TELO2: variants seen among roughly 807,000 people sequenced by gnomAD.
TELO2 encodes telomere maintenance 2, also known as telomere length regulation protein TEL2 homolog.
Under a neutral mutation model 91.0 loss-of-function variants are expected in TELO2, and 71 were observed. That is an observed-to-expected ratio of 0.78 (90% CI 0.64 to 0.95). TELO2 has a LOEUF of 0.95. Ranked by LOEUF, TELO2 falls within the 40% of genes least tolerant of loss-of-function variation. The pLI, the probability that TELO2 is intolerant of heterozygous loss-of-function variation, is 0.00. For synonymous variants in TELO2, 584 were observed against 518.9 expected, an observed-to-expected ratio of 1.13 and a Z score of -1.71; for missense variants, 1,183 against 1,141.3, an observed-to-expected ratio of 1.04 and a Z score of -0.53.
In TELO2 at chr16:1,505,129, C is replaced by G. The variant is rs1253915303; in HGVS notation, c.1843-281C>G. 5 of 404,908 alleles carry G rather than the reference C, an allele frequency of 1.2e-5. No homozygotes were observed. The highest frequency in any genetic ancestry group is 7.7e-5 in the Admixed American group (2 of 26,002). The allele number at this position is 404,908 out of a possible 1,614,324, so 25.1% of individuals were successfully genotyped here. A position where few individuals can be genotyped will look rare whatever the true frequency, so the allele number is the denominator to read the frequency against. ...CTTCCTGGGATAAGGGCATGTGGCT[C>G]TGGCGTGGCGGGACTGCGTGGCTTT... On this transcript the variant is annotated intron_variant, in intron 15 of 20. Transcript: ENST00000262319. The surrounding 1 kb of genome is among the most constrained non-coding windows in gnomAD (Gnocchi z 4.3).
chr16:1,499,946 C>T (rs943304388), intron 6 of TELO2, 150 bp from the exon 7 acceptor site: 39 of 891,334 alleles, frequency 4.4e-5, no homozygotes, highest in East Asian at 8.2e-5. Context: ...GGAGGGGTCC[C>T]GCATTCCAGG....
At chr16:1,507,398 C>T in intron 19 of TELO2, 28 bp downstream of exon 19, 1 of 1,607,464 alleles carries the variant, frequency 6.2e-7, no homozygotes, top group Non-Finnish European at 8.5e-7. Flanking sequence ...CTGGGCCAGG[C>T]CAGGGGTGCA....
intron 13 of TELO2, 66 bp downstream of exon 13, chr16:1,502,470 C>T (rs2039726646): frequency 1.3e-6 from 2 of 1,540,518 alleles, no homozygotes; most frequent in Admixed American, 1.9e-5. Flanking sequence ...CATCTGTGTC[C>T]TGGCCACTGA....
In TELO2 at chr16:1,507,715, G is replaced by A. The variant is rs753007469; in HGVS notation, c.2406G>A (p.Ala802=). ...TGCTGGAAGCCCGGTCCTGGCTGGC[G>A]GGTGAGTGTCGGCCTGCGGTGTGTG... ...DELLEARSWL[A]DVAEKDPDED... is the part of the protein sequence containing the mutation. The change falls in exon 20 of 21, where the codon GCG becomes GCA. Residue 802 remains alanine, a splice_region_variant and synonymous_variant. Transcript: ENST00000262319. 8 of 1,601,490 alleles carry A rather than the reference G, an allele frequency of 5.0e-6. No individual in the cohort carries two copies. Among genetic ancestry groups the A allele is most frequent in the South Asian group, 2.2e-5 (2 of 90,354 alleles).
rs976258635 is a variant in TELO2, at chr16:1,510,144, C to G, written c.*208C>G. On this transcript the variant is annotated 3_prime_UTR_variant, in exon 21 of 21. Coordinates refer to ENST00000262319, the MANE Select transcript of TELO2 (RefSeq NM_016111.4). ...TACACTGGGCCTGGGCACTGCCCGC[C>G]GGGACATGGCAGCCTGGACGTGGGG... 5 of 562,738 alleles carry G rather than the reference C, an allele frequency of 8.9e-6. No individual in the cohort carries two copies. The highest frequency in any genetic ancestry group is 1.6e-5 in the Non-Finnish European group (5 of 314,656). The allele number at this position is 562,738 out of a possible 1,614,324, so 34.9% of individuals were successfully genotyped here.
Position 1,507,623 on chromosome 16 carries a change from T to C in TELO2, c.2314T>C (p.Ser772Pro). 1 of 1,595,310 alleles carries C rather than the reference T, an allele frequency of 6.3e-7. No homozygotes were observed. Among genetic ancestry groups the C allele is most frequent in the African/African-American group, 1.3e-5 (1 of 74,984 alleles). ...IDAYVRQGLLSAVSSVLLSLP... is the reference protein window; with the variant it reads ...IDAYVRQGLLPAVSSVLLSLP... Reference sequence around the variant, plus strand: ...CAGCTACGTGCGCCAGGGGCTGTTGTCGGCCGTCTCCTCCGTCCTGCTCAG... The same window carrying C: ...CAGCTACGTGCGCCAGGGGCTGTTGCCGGCCGTCTCCTCCGTCCTGCTCAG... The change falls in exon 20 of 21, where the codon TCG becomes CCG. Residue 772 changes from serine (S) to proline (P), a missense_variant. Physicochemically the swap from Ser to Pro is moderately conservative, Grantham distance 74. Coordinates refer to ENST00000262319, the MANE Select transcript of TELO2 (RefSeq NM_016111.4).
At position 1,506,896 on chromosome 16, in the gene TELO2, T is replaced by A. The variant is rs561665556; in HGVS notation, c.2127-56T>A. 5.5e-5 allele frequency: 84 copies of A among 1,518,328 alleles called. No individual in the cohort carries two copies. In the Middle Eastern group the frequency reaches 5.6e-4, roughly 10 times the overall value. The allele number at this position is 1,518,328 out of a possible 1,614,324, so 94.1% of individuals were successfully genotyped here. On this transcript the variant is annotated intron_variant, in intron 17 of 20. Coordinates refer to ENST00000262319, the MANE Select transcript of TELO2 (RefSeq NM_016111.4). ...CGGTCTCCCACGGTGGCCCAGGAGG[T>A]TGGGGACCTGGCCCTGAGGCACCCG...
Position 1,509,811 on chromosome 16 carries a change from T to C in TELO2, c.2408-19T>C, listed in dbSNP as rs2040067107. On this transcript the variant is annotated intron_variant, in intron 20 of 20. Transcript: ENST00000262319. ...CCCTCCACGCTGCCTCAGCTTTGCT[T>C]GTCACTCTCGTCTGGCAGACGTGGC... 1.2e-6 allele frequency: 2 copies of C among 1,604,280 alleles called. No homozygotes were observed. The highest frequency in any genetic ancestry group is 2.2e-5 in the South Asian group (2 of 89,532).
chr16:1,499,407 G>A, intron 6 of TELO2, 74 bp downstream of exon 6: 4 of 1,532,118 alleles, frequency 2.6e-6, no homozygotes, highest in Non-Finnish European at 1.8e-6. Flanking sequence ...CATGGGGTCG[G>A]AGCGGTGTCT....
At chr16:1,496,079 CG>C (rs2039481674) in intron 3 of TELO2, among the ~76,000 whole-genome samples, 2 of 152,352 alleles carry the variant, frequency 1.3e-5, no homozygotes, top group African/African-American at 4.8e-5. Flanking sequence ...GAGGCTGGGC[CG>C]GGGGCCTGCA....
Position 1,494,722 on chromosome 16 carries a change from G to C in TELO2, c.335+106G>C. On this transcript the variant is annotated intron_variant, in intron 2 of 20. Coordinates refer to ENST00000262319, the MANE Select transcript of TELO2 (RefSeq NM_016111.4). The surrounding 1 kb of genome is among the most constrained non-coding windows in gnomAD (Gnocchi z 5.6). ...TCTCTAGTCCCTGTGAGGGGCTAGA[G>C]AGAGAGCCTGCTCCTGGCTGAACCC... The C allele has an allele frequency of 8.2e-7, 1 of 1,221,666 alleles. No homozygotes were observed. Among genetic ancestry groups the C allele is most frequent in the Non-Finnish European group, 1.1e-6 (1 of 897,752 alleles). The allele number at this position is 1,221,666 out of a possible 1,614,324, so 75.7% of individuals were successfully genotyped here.
Position 1,500,474 on chromosome 16 carries a change from G to T in TELO2, c.1130G>T (p.Arg377Leu). ...CLAQLGEPEL[R>L]DSRDELLASM... ...GCGCAACTCGGGGAGCCGGAACTGC[G>T]GGACAGCCGGGATGGTGAGCGGGTG... The change falls in exon 8 of 21, where the codon CGG (arginine) becomes CTG (leucine). Residue 377 changes from arginine (R) to leucine (L), a missense_variant. By Grantham distance (102) the Arg-to-Leu change is moderately radical. Coordinates refer to ENST00000262319, the MANE Select transcript of TELO2 (RefSeq NM_016111.4). The T allele has an allele frequency of 6.2e-7, 1 of 1,610,764 alleles. No homozygotes were observed.
Position 1,502,898 on chromosome 16 carries a change from C to T in TELO2, c.1771-33C>T, listed in dbSNP as rs759145955. 2.9e-5 allele frequency: 46 copies of T among 1,608,130 alleles called. 1 individual carries two copies. The highest frequency in any genetic ancestry group is 6.6e-5 in the South Asian group (6 of 91,088). Reference sequence around the variant, plus strand: ...GTCGCCCCGGGTGGCCCTCAGGTCCCGGACCACAGCAGCCTCTCCCCTGTG... The same window carrying T: ...GTCGCCCCGGGTGGCCCTCAGGTCCTGGACCACAGCAGCCTCTCCCCTGTG... On this transcript the variant is annotated intron_variant, in intron 14 of 20. Coordinates refer to ENST00000262319, the MANE Select transcript of TELO2 (RefSeq NM_016111.4).
Position 1,505,660 on chromosome 16 carries a change from C to T in TELO2, c.2034+59C>T, listed in dbSNP as rs1485316984. On this transcript the variant is annotated intron_variant, in intron 16 of 20. Transcript: ENST00000262319. This position sits in a 1 kb window ranked among gnomAD's most constrained non-coding sequence, Gnocchi z 4.3. ...GGGGACCGTGGGTGGGTGGGAAGGG[C>T]GGTCAGACACCTCCAGGCGCTGTCT... 9.7e-6 allele frequency: 15 copies of T among 1,539,792 alleles called. No individual in the cohort carries two copies. Among genetic ancestry groups the T allele is most frequent in the South Asian group, 3.6e-5 (3 of 83,936 alleles).
intron 19 of TELO2, 39 bp from the exon 20 acceptor site, chr16:1,507,562 G>A: frequency 6.5e-7 from 1 of 1,542,282 alleles, no homozygotes; most frequent in Non-Finnish European, 8.7e-7. Flanking sequence ...TCTGGGGTGT[G>A]GTCCCTGCCG....
rs1440703134 is a variant in TELO2 at position 1,503,014 on chromosome 16, C to T, written c.1842+12C>T. 6.2e-7 allele frequency: 1 copy of T among 1,608,910 alleles called. No homozygotes were observed. Among genetic ancestry groups the T allele is most frequent in the Non-Finnish European group, 8.5e-7 (1 of 1,179,926 alleles). Reference sequence around the variant, plus strand: ...TGGACATCCTGGATGTAAGTGCCTCCTGGGCCTCAGTCCCCCTGGTCTGGC... The same window carrying T: ...TGGACATCCTGGATGTAAGTGCCTCTTGGGCCTCAGTCCCCCTGGTCTGGC... On this transcript the variant is annotated intron_variant, in intron 15 of 20. Coordinates refer to ENST00000262319, the MANE Select transcript of TELO2 (RefSeq NM_016111.4).
In TELO2 at chr16:1,494,536, G is replaced by A. The variant is rs1355654385; in HGVS notation, c.255G>A (p.Glu85=). The change falls in exon 2 of 21, where the codon GAG becomes GAA. Residue 85 remains glutamate, a synonymous_variant. Coordinates refer to ENST00000262319, the MANE Select transcript of TELO2 (RefSeq NM_016111.4). This position sits in a 1 kb window ranked among gnomAD's most constrained non-coding sequence, Gnocchi z 5.6. The part of the protein sequence containing the change: ...LELLPHGRLE[E]LWASFFLEGP... ...TGCTGCCCCATGGCCGCCTGGAGGA[G>A]CTGTGGGCCAGCTTCTTCCTGGAGG... 6.2e-7 allele frequency: 1 copy of A among 1,613,412 alleles called. No individual in the cohort carries two copies.
rs373286620 is a variant in TELO2, at chr16:1,494,481, C to T, written c.200C>T (p.Ala67Val). ...AHFSPVLRCLASRLSPAWLEL... is the reference protein window; with the variant it reads ...AHFSPVLRCLVSRLSPAWLEL... ...TTCTCGCCTGTCCTCAGATGTCTTG[C>T]CAGCAGGCTGAGCCCAGCCTGGCTG... Residue 67 changes from alanine (A) to valine (V), a missense_variant, in exon 2 of 21, where the codon GCC becomes GTC. By Grantham distance (64) the Ala-to-Val change is moderately conservative. Transcript: ENST00000262319. This position sits in a 1 kb window ranked among gnomAD's most constrained non-coding sequence, Gnocchi z 5.6. 5.0e-6 allele frequency: 8 copies of T among 1,613,228 alleles called. No homozygotes were observed. The highest frequency in any genetic ancestry group is 1.3e-5 in the African/African-American group (1 of 74,914).
Position 1,497,136 on chromosome 16 carries a change from GC to G in TELO2, c.682+36del. ...AGAGCAGTGCCTTCCTGCCCATCCTGCCCCGACCCTCACAGCCCATCAGCCT... is the reference window on the plus strand; with the variant it reads ...AGAGCAGTGCCTTCCTGCCCATCCTGCCCGACCCTCACAGCCCATCAGCCT... On this transcript the variant is annotated intron_variant, in intron 4 of 20. Coordinates refer to ENST00000262319, the MANE Select transcript of TELO2 (RefSeq NM_016111.4). This position sits in a 1 kb window ranked among gnomAD's most constrained non-coding sequence, Gnocchi z 4.0. 1 of 1,612,596 alleles carries G rather than the reference GC, an allele frequency of 6.2e-7. No homozygotes were observed. The highest frequency in any genetic ancestry group is 1.1e-5 in the South Asian group (1 of 90,978).
Sources: gnomAD v4.1 joint callset for allele counts (sites outside exome capture counted in the v4.1 genomes callset) on GRCh38, gnomAD v4.1.1 for gene constraint, Gnocchi (gnomAD v3.1) non-coding constraint, MANE v1.5 for transcripts, NCBI Gene and HGNC (gene_info 2026-07-23, HGNC 2026-07-21) for gene names.